MAML3: variants seen among roughly 807,000 people sequenced by gnomAD.
MAML3 encodes the protein mastermind-like protein 3.
In MAML3, 27 loss-of-function variants were observed where a neutral mutation model predicts 101.9. The observed-to-expected ratio is 0.27, with a 90% CI of 0.20 to 0.37. The LOEUF is 0.37. MAML3 is among the 10% of genes least tolerant of loss of function. The pLI is 1.00. For missense variants in MAML3, 1,316 were observed against 1,444.9 expected (o/e 0.91, Z 1.45); for synonymous variants, 501 against 555.9 (o/e 0.90, Z 1.39).
At chr4:140,029,736 T>C (rs369986860) in intron 1 of MAML3, among the ~76,000 whole-genome samples, 6 of 152,216 alleles carry the variant, frequency 3.9e-5, no homozygotes, top group African/African-American at 9.6e-5. Flanking sequence ...CCACTTTTAA[T>C]ATCAGCTTAG....
intron 2 of MAML3, among the ~76,000 whole-genome samples, chr4:139,878,493 G>A (rs1376018977): frequency 6.6e-6 from 1 of 152,168 alleles, no homozygotes; most frequent in African/African-American, 2.4e-5. Context: ...GGGAGGATAT[G>A]ATTGGCCATT....
intron 1 of MAML3, among the ~76,000 whole-genome samples, chr4:140,028,593 T>C (rs1476323774): frequency 6.6e-6 from 1 of 152,222 alleles, no homozygotes; most frequent in Non-Finnish European, 1.5e-5. Context: ...TTCTTCTTTT[T>C]TTAATGAAAC....
At chr4:139,835,896 T>C (rs987040687) in intron 2 of MAML3, among the ~76,000 whole-genome samples, 2 of 152,222 alleles carry the variant, frequency 1.3e-5, no homozygotes, top group African/African-American at 4.8e-5. Flanking sequence ...TCCATCTATA[T>C]AATGGAAAAG....
chr4:140,100,201 G>A (rs1728232595), intron 1 of MAML3, among the ~76,000 whole-genome samples: 1 of 152,048 alleles, frequency 6.6e-6, no homozygotes, highest in African/African-American at 2.4e-5. Context: ...CTCCTTCAAG[G>A]CTTAGCCCCA....
At chr4:139,914,204 CT>C (rs1211436304) in intron 1 of MAML3, among the ~76,000 whole-genome samples, 4 of 152,214 alleles carry the variant, frequency 2.6e-5, no homozygotes, top group Admixed American at 2.0e-4. Context: ...TTGTGAAGGT[CT>C]TAAAAACAAT....
chr4:140,130,982 C>A (rs1322977696), intron 1 of MAML3, among the ~76,000 whole-genome samples: 1 of 152,058 alleles, frequency 6.6e-6, no homozygotes, highest in Non-Finnish European at 1.5e-5. Context: ...AGAGGACCAG[C>A]AGAATTAGGA....
intron 1 of MAML3, among the ~76,000 whole-genome samples, chr4:140,115,996 T>C (rs577789511): frequency 2.6e-5 from 4 of 152,322 alleles, no homozygotes; most frequent in South Asian, 4.1e-4. Flanking sequence ...TACAAATATA[T>C]AGAGTACATA....
At chr4:140,081,972 G>A in intron 1 of MAML3, among the ~76,000 whole-genome samples, 1 of 152,074 alleles carries the variant, frequency 6.6e-6, no homozygotes, top group East Asian at 1.9e-4. Flanking sequence ...AAATGTCAAG[G>A]GGCAGTAAAC....
intron 1 of MAML3, among the ~76,000 whole-genome samples, chr4:139,997,109 C>G (rs1315253635): frequency 7.6e-6 from 1 of 131,266 alleles, no homozygotes; most frequent in Non-Finnish European, 1.8e-5. Flanking sequence ...GAGACTCTGT[C>G]TCAAAAAAAT....
chr4:139,988,543 A>T (rs114941335), intron 1 of MAML3, among the ~76,000 whole-genome samples: 1,670 of 152,200 alleles, frequency 0.011, 38 homozygotes, highest in African/African-American at 0.038. Flanking sequence ...GAGAGCACAG[A>T]AAAGTCTAAG....
intron 1 of MAML3, among the ~76,000 whole-genome samples, chr4:140,026,682 T>TA (rs1245028428): frequency 2.0e-5 from 3 of 152,246 alleles, no homozygotes; most frequent in African/African-American, 7.2e-5. Flanking sequence ...CAGCCACTGA[T>TA]ACATTTTGTT....
chr4:139,874,960 C>T (rs565593900), intron 2 of MAML3, among the ~76,000 whole-genome samples: 4 of 152,116 alleles, frequency 2.6e-5, no homozygotes, highest in South Asian at 2.1e-4. Flanking sequence ...TCTGCCACCA[C>T]GCCCGGCTAA....
chr4:139,907,992 T>C (rs1399621794), intron 1 of MAML3, among the ~76,000 whole-genome samples: 1 of 152,172 alleles, frequency 6.6e-6, no homozygotes, highest in Non-Finnish European at 1.5e-5. Flanking sequence ...AATAAGCAGA[T>C]GGATGGTGGA....
chr4:140,093,466 G>A (rs1166692945), intron 1 of MAML3, among the ~76,000 whole-genome samples: 1 of 149,974 alleles, frequency 6.7e-6, no homozygotes, highest in Non-Finnish European at 1.5e-5. Context: ...GCCCAGGCTG[G>A]AGTGCAGTGG....
chr4:140,122,050 C>T (rs1409363585), intron 1 of MAML3, among the ~76,000 whole-genome samples: 1 of 152,112 alleles, frequency 6.6e-6, no homozygotes, highest in Non-Finnish European at 1.5e-5. Context: ...TTGTAAGTTT[C>T]CTGAGGCCTC....
chr4:139,863,387 G>A (rs575175024), intron 2 of MAML3, among the ~76,000 whole-genome samples: 1 of 88,882 alleles, frequency 1.1e-5, no homozygotes, highest in Non-Finnish European at 2.1e-5. Context: ...TTTTGCTCTT[G>A]TTGCCCAGGC....
intron 2 of MAML3, among the ~76,000 whole-genome samples, chr4:139,755,433 C>T (rs1343057249): frequency 6.6e-6 from 1 of 152,098 alleles, no homozygotes; most frequent in East Asian, 1.9e-4. Flanking sequence ...ACGGTGAAAC[C>T]CCGTCTCTAC....
chr4:139,754,614 T>A (rs573411124), intron 2 of MAML3, among the ~76,000 whole-genome samples: 1 of 152,318 alleles, frequency 6.6e-6, no homozygotes, highest in Admixed American at 6.5e-5. Context: ...TTCCTAAAAG[T>A]AGAAGTTTTG....
chr4:139,780,906 G>A (rs1410435391), intron 2 of MAML3, among the ~76,000 whole-genome samples: 6 of 152,138 alleles, frequency 3.9e-5, no homozygotes, highest in East Asian at 3.8e-4. Flanking sequence ...TGGGATTACA[G>A]GTGTGAGCCA....
Sources: gnomAD v4.1 joint callset for allele counts (sites outside exome capture counted in the v4.1 genomes callset) on GRCh38, gnomAD v4.1.1 for gene constraint, MANE v1.5 for transcripts, NCBI Gene and HGNC (gene_info 2026-07-23, HGNC 2026-07-21) for gene names.